TJP1: variants seen among roughly 807,000 people sequenced by gnomAD.
The protein encoded by TJP1 is tight junction protein ZO-1.
Under a neutral mutation model 194.2 loss-of-function variants are expected in TJP1, and 43 were observed. The ratio of observed to expected loss-of-function variants is 0.22; its 90% CI spans 0.17 to 0.29. The LOEUF (loss-of-function observed/expected upper bound fraction) is 0.29. Ranked by LOEUF, TJP1 falls within the 10% of genes least tolerant of loss-of-function variation. The probability of loss-of-function intolerance (pLI) is 1.00; values close to 1 mark genes in which losing one functional copy is unlikely to be tolerated. For synonymous variants in TJP1, 801 were observed against 779.0 expected (o/e 1.03, Z -0.47); for missense variants, 1,971 against 2,185.7 (o/e 0.90, Z 1.96).
intron 2 of TJP1, among the ~76,000 whole-genome samples, chr15:29,946,849 A>G (rs899482447): frequency 1.3e-5 from 2 of 152,218 alleles, no homozygotes; most frequent in African/African-American, 4.8e-5. Context: ...CAATATGAAC[A>G]CACAAATTCT....
intron 3 of TJP1, among the ~76,000 whole-genome samples, chr15:29,772,534 C>T (rs2046758119): frequency 6.6e-6 from 1 of 152,122 alleles, no homozygotes; most frequent in Non-Finnish European, 1.5e-5. Context: ...TTTTAATTCT[C>T]TTTTAATTCT....
intron 23 of TJP1, among the ~76,000 whole-genome samples, chr15:29,716,089 C>A (rs1454577712): frequency 1.3e-5 from 2 of 152,150 alleles, no homozygotes; most frequent in African/African-American, 4.8e-5. Flanking sequence ...AGGGGAGCAG[C>A]AAGCACAGGG....
At chr15:29,765,393 T>C (rs2046270193) in intron 5 of TJP1, among the ~76,000 whole-genome samples, 1 of 152,116 alleles carries the variant, frequency 6.6e-6, no homozygotes, top group African/African-American at 2.4e-5. Flanking sequence ...ACCCTTTATA[T>C]CAAAATGATC....
intron 1 of TJP1, among the ~76,000 whole-genome samples, chr15:29,819,649 T>C (rs180675593): frequency 6.6e-6 from 1 of 152,226 alleles, no homozygotes; most frequent in Non-Finnish European, 1.5e-5. Context: ...GGTTTTCTTA[T>C]CAATATGTCA....
chr15:29,909,800 G>A (rs565472219), intron 2 of TJP1, among the ~76,000 whole-genome samples: 1 of 152,244 alleles, frequency 6.6e-6, no homozygotes, highest in Non-Finnish European at 1.5e-5. Flanking sequence ...CCAAGCTGGA[G>A]TCTGCAGATT....
chr15:29,766,109 T>C (rs2046314755), intron 5 of TJP1, among the ~76,000 whole-genome samples, 157 bp downstream of exon 5: 1 of 152,092 alleles, frequency 6.6e-6, no homozygotes, highest in Admixed American at 6.5e-5. Context: ...AAATGAACAG[T>C]CCCTGAAGCC....
chr15:29,860,385 T>A (rs1010078622), intron 2 of TJP1, among the ~76,000 whole-genome samples: 9 of 152,170 alleles, frequency 5.9e-5, no homozygotes, highest in African/African-American at 1.9e-4. Flanking sequence ...TGCACAGTTA[T>A]ACTTAAAAAC....
chr15:29,796,468 C>T (rs2048420002), intron 2 of TJP1, among the ~76,000 whole-genome samples: 1 of 147,426 alleles, frequency 6.8e-6, no homozygotes, highest in Non-Finnish European at 1.5e-5. Flanking sequence ...ATAAACCTAA[C>T]AAAAATGTGT....
chr15:29,785,690 C>T (rs952541473), intron 2 of TJP1, among the ~76,000 whole-genome samples: 2 of 152,146 alleles, frequency 1.3e-5, no homozygotes, highest in Non-Finnish European at 2.9e-5. Context: ...CTCACTAATT[C>T]TAGTCTTACT....
At chr15:29,766,114 G>A in intron 5 of TJP1, 152 bp downstream of exon 5, 1 of 1,022,694 alleles carries the variant, frequency 9.8e-7, no homozygotes, top group Non-Finnish European at 1.4e-6. Flanking sequence ...AACAGTCCCT[G>A]AAGCCTGCCA....
chr15:29,849,941 T>G (rs1354964781), intron 2 of TJP1, among the ~76,000 whole-genome samples: 4 of 152,052 alleles, frequency 2.6e-5, no homozygotes, highest in Non-Finnish European at 5.9e-5. Flanking sequence ...GATTTGGTCA[T>G]GCATGGCCCT....
intron 2 of TJP1, among the ~76,000 whole-genome samples, chr15:29,841,340 C>T (rs2051217863): frequency 6.6e-6 from 1 of 152,042 alleles, no homozygotes; most frequent in Non-Finnish European, 1.5e-5. Flanking sequence ...AATATTTAAC[C>T]CACTGAAAAT....
chr15:29,742,828 G>A, intron 8 of TJP1, 47 bp from the exon 9 acceptor site: 1 of 1,524,864 alleles, frequency 6.6e-7, no homozygotes, highest in Non-Finnish European at 8.8e-7. Flanking sequence ...AATGATTCTG[G>A]AAAGCATCTG....
At chr15:29,766,193 G>C (rs1566981405) in intron 5 of TJP1, 73 bp downstream of exon 5, 2 of 1,528,758 alleles carry the variant, frequency 1.3e-6, no homozygotes, top group East Asian at 4.5e-5. Context: ...TGAAGAGACA[G>C]CAACTGTACT....
At position 29,761,250 on chromosome 15, in the gene TJP1, G is replaced by A. The variant is rs1307056687; in HGVS notation, c.899C>T (p.Ser300Phe). Residue 300 changes from serine to phenylalanine, a missense_variant, in exon 8 of 28, where the codon TCT becomes TTT. Coordinates refer to ENST00000614355, the MANE Select transcript of TJP1 (RefSeq NM_001330239.4). Reference sequence around the variant, plus strand: ...GGGAGGCCTATCGTGTGATCGACCAGAATGATCTGATGCCAGTGACTGAAT... The same window carrying A: ...GGGAGGCCTATCGTGTGATCGACCAAAATGATCTGATGCCAGTGACTGAAT... ...SEIQSLASDH[S>F]GRSHDRPPRR... 2 of 1,614,034 alleles carry A rather than the reference G, an allele frequency of 1.2e-6. No individual in the cohort carries two copies. Among genetic ancestry groups the A allele is most frequent in the Non-Finnish European group, 8.5e-7 (1 of 1,179,986 alleles).
At chr15:29,727,091 C>T in intron 16 of TJP1, 100 bp from the exon 17 acceptor site, 1 of 1,065,962 alleles carries the variant, frequency 9.4e-7, no homozygotes, top group Non-Finnish European at 1.4e-6. Context: ...CGCCTATAAT[C>T]CTAGCACTTT....
rs2041515979 is a variant in TJP1, at chr15:29,701,142, A to G, written c.*453T>C. On this transcript the variant is annotated 3_prime_UTR_variant, in exon 28 of 28. Transcript: ENST00000614355. ...ATCCACAACACTGGTTATATATTCC[A>G]GGTGCATTTAAAAAATGTGTGCATA... 6.4e-6 allele frequency: 1 copy of G among 156,362 alleles called. No homozygotes were observed. The highest frequency in any genetic ancestry group is 2.0e-4 in the South Asian group (1 of 5,010). 9.7% of individuals were successfully genotyped at this position (156,362 alleles called of 1,614,324 possible). A position where few individuals can be genotyped will look rare whatever the true frequency, so the allele number is the denominator to read the frequency against.
intron 2 of TJP1, among the ~76,000 whole-genome samples, chr15:29,949,969 AACCATCTTCACC>A: frequency 2.1e-4 from 1 of 4,686 alleles, no homozygotes; most frequent in Non-Finnish European, 3.2e-4. Context: ...CCTCCACCAC[AACCATCTTCACC>A]ACCACCTCCA....
chr15:29,964,714 G>A (rs4779686), intron 1 of TJP1, among the ~76,000 whole-genome samples: 33,615 of 152,090 alleles, frequency 0.22, 3,927 homozygotes, highest in East Asian at 0.39. Flanking sequence ...CAATTCCAGG[G>A]TGTCCCCCAA....
Sources: allele counts gnomAD v4.1 joint callset (sites outside exome capture counted in the v4.1 genomes callset), GRCh38; gene constraint gnomAD v4.1.1; transcripts MANE v1.5; gene names NCBI Gene and HGNC (gene_info 2026-07-23, HGNC 2026-07-21).